Variants in HIVEP3 observed in about 807,000 individuals in gnomAD.
The protein encoded by HIVEP3 is transcription factor HIVEP3.
Under a neutral mutation model 152.8 loss-of-function variants are expected in HIVEP3, and 49 were observed. The observed-to-expected ratio is 0.32, with a 90% CI of 0.26 to 0.41. The LOEUF is 0.41. Ranked by LOEUF, HIVEP3 falls within the 10% of genes least tolerant of loss-of-function variation. HIVEP3 has a pLI of 1.00. For synonymous variants in HIVEP3, 1,269 were observed against 1,289.0 expected, an observed-to-expected ratio of 0.98 and a Z score of 0.33; for missense variants, 2,790 against 3,103.3, an observed-to-expected ratio of 0.90 and a Z score of 2.40.
chr1:41,714,351 T>C (rs1031043149), intron 1 of HIVEP3, among the ~76,000 whole-genome samples: 8 of 152,292 alleles, frequency 5.3e-5, no homozygotes, highest in Admixed American at 3.9e-4. Context: ...GATGCATTTA[T>C]TGAGTGTTTC....
At chr1:41,790,144 G>A (rs2124296764) in intron 1 of HIVEP3, among the ~76,000 whole-genome samples, 1 of 152,298 alleles carries the variant, frequency 6.6e-6, no homozygotes, top group South Asian at 2.1e-4. Flanking sequence ...ATCTCATGCT[G>A]AAATTGGATC....
At chr1:41,950,820 T>C (rs1570838478) in intron 1 of HIVEP3, among the ~76,000 whole-genome samples, 1 of 152,190 alleles carries the variant, frequency 6.6e-6, no homozygotes, top group Non-Finnish European at 1.5e-5. Context: ...ATTTAAAAAA[T>C]AAAACTTTGC....
chr1:41,523,640 C>G (rs1467987554), intron 6 of HIVEP3, among the ~76,000 whole-genome samples: 1 of 152,118 alleles, frequency 6.6e-6, no homozygotes, highest in African/African-American at 2.4e-5. Flanking sequence ...GGGTAGGGAC[C>G]CTGCTGGGCC....
intron 1 of HIVEP3, among the ~76,000 whole-genome samples, chr1:41,983,125 G>A (rs596764): frequency 0.057 from 8,748 of 152,252 alleles, 866 homozygotes; most frequent in African/African-American, 0.2. Context: ...GACAGGAGGC[G>A]GAGCTCAGGA....
chr1:41,708,794 C>T (rs76301738), intron 1 of HIVEP3, among the ~76,000 whole-genome samples: 2,526 of 152,284 alleles, frequency 0.017, 72 homozygotes, highest in African/African-American at 0.058. Context: ...ACCAAAACTG[C>T]AAACAAGAAA....
intron 1 of HIVEP3, among the ~76,000 whole-genome samples, chr1:41,968,657 G>A (rs895732259): frequency 6.6e-6 from 1 of 152,152 alleles, no homozygotes; most frequent in Non-Finnish European, 1.5e-5. Flanking sequence ...ACAAGACAAG[G>A]ATGCCCTCTC....
intron 6 of HIVEP3, among the ~76,000 whole-genome samples, chr1:41,519,117 G>A (rs556763091): frequency 2.0e-5 from 3 of 152,194 alleles, no homozygotes; most frequent in Non-Finnish European, 4.4e-5. Flanking sequence ...ACAAGGCTGG[G>A]GGCCCAAGCT....
intron 2 of HIVEP3, among the ~76,000 whole-genome samples, chr1:41,643,890 CT>C (rs58838768): frequency 3.2e-4 from 23 of 71,966 alleles, no homozygotes; most frequent in Non-Finnish European, 4.1e-4. Context: ...TTCCCATCCT[CT>C]TTTTTTTTTT....
At chr1:41,654,108 C>G (rs1645595174) in intron 2 of HIVEP3, among the ~76,000 whole-genome samples, 1 of 152,060 alleles carries the variant, frequency 6.6e-6, no homozygotes, top group Non-Finnish European at 1.5e-5. Flanking sequence ...TGATATAGCT[C>G]TACAAGTAAA....
rs371992057 is a variant in HIVEP3, at chr1:41,955,764, G to C, written n.120-37240C>G. Among the ~76,000 whole-genome samples the C allele has an allele frequency of 2.6e-5, 4 of 152,292 alleles. 1 individual carries two copies. On this transcript the variant is annotated intron_variant and non_coding_transcript_variant, in intron 1 of 3. Coordinates refer to the HIVEP3 transcript ENST00000489103. ...AGTTACCCGGAGAAGTTAACCAGAA[G>C]GGAAGCCCATTGAGCAGAGGCATAA... is the stretch of plus-strand genomic sequence containing the variant.
intron 1 of HIVEP3, among the ~76,000 whole-genome samples, chr1:41,798,725 G>A (rs1203492988): frequency 6.6e-6 from 1 of 151,794 alleles, no homozygotes; most frequent in East Asian, 1.9e-4. Flanking sequence ...GTTTGCATTT[G>A]TTAAATCACT....
intron 1 of HIVEP3, among the ~76,000 whole-genome samples, chr1:41,784,478 T>C (rs1649231057): frequency 6.6e-6 from 1 of 152,220 alleles, no homozygotes; most frequent in Non-Finnish European, 1.5e-5. Flanking sequence ...ATTATATTTC[T>C]ACTGGACAGC....
intron 1 of HIVEP3, among the ~76,000 whole-genome samples, chr1:41,754,872 G>C (rs941011239): frequency 2.0e-5 from 3 of 152,042 alleles, no homozygotes; most frequent in African/African-American, 7.3e-5. Flanking sequence ...GGTTGGTGTG[G>C]GTGTATGGAA....
rs142150876 is a variant in HIVEP3 at position 41,848,830 on chromosome 1, G to C, written c.-801+69583C>G. The C allele has an allele frequency of 2.4e-3, 371 of 152,460 alleles. 1 individual carries two copies. Among genetic ancestry groups the C allele is most frequent in the Non-Finnish European group, 3.8e-3 (257 of 68,182 alleles). 9.4% of individuals were successfully genotyped at this position (152,460 alleles called of 1,614,324 possible). On this transcript the variant is annotated intron_variant, in intron 1 of 8. Coordinates refer to ENST00000372583, the MANE Select transcript of HIVEP3 (RefSeq NM_024503.5). ...GCCCCACATCCCAAGCCCTACCTGT[G>C]ACTACCCCTCCCCTAAGCCCTACCA...
chr1:41,932,113 T>C (rs993524003), intron 1 of HIVEP3, among the ~76,000 whole-genome samples: 5 of 151,946 alleles, frequency 3.3e-5, no homozygotes, highest in Non-Finnish European at 7.4e-5. Context: ...TTAAGAAAAT[T>C]GCCTTCTATT....
At chr1:41,764,114 T>C (rs888436946) in intron 1 of HIVEP3, among the ~76,000 whole-genome samples, 1 of 151,878 alleles carries the variant, frequency 6.6e-6, no homozygotes, top group South Asian at 2.1e-4. Context: ...GAAGGGTGGG[T>C]TGGGGACAAA....
chr1:41,559,844 T>C (rs1442478462), intron 5 of HIVEP3, among the ~76,000 whole-genome samples: 1 of 152,272 alleles, frequency 6.6e-6, no homozygotes, highest in Non-Finnish European at 1.5e-5. Context: ...GCACTTACTA[T>C]GTGCCACGTA....
At chr1:42,007,226 C>T (rs1017780758) in intron 1 of HIVEP3, among the ~76,000 whole-genome samples, 4 of 152,196 alleles carry the variant, frequency 2.6e-5, no homozygotes, top group African/African-American at 9.6e-5. Flanking sequence ...ATTGCAAAAG[C>T]ACATGCCCTC....
In HIVEP3 at chr1:41,993,840, T is replaced by G. The variant is rs1291647597; in HGVS notation, n.119+41967A>C. Reference sequence around the variant, plus strand: ...CAGCCATAAAAAATGATGAGTTCATTTCCTTTGTAGGGACATGGATGAAAT... The same window carrying G: ...CAGCCATAAAAAATGATGAGTTCATGTCCTTTGTAGGGACATGGATGAAAT... On this transcript the variant is annotated intron_variant and non_coding_transcript_variant, in intron 1 of 3. Coordinates refer to the HIVEP3 transcript ENST00000489103. Among the ~76,000 whole-genome samples the G allele has an allele frequency of 9.4e-5, 14 of 149,080 alleles. No individual in the cohort carries two copies. In the South Asian group the frequency reaches 2.3e-3, roughly 25 times the overall value.
Sources: allele counts gnomAD v4.1 joint callset (sites outside exome capture counted in the v4.1 genomes callset), GRCh38; gene constraint gnomAD v4.1.1; transcripts MANE v1.5; gene names NCBI Gene and HGNC (gene_info 2026-07-23, HGNC 2026-07-21).